Variants in PHF8 observed in about 807,000 individuals in gnomAD.
PHF8 encodes PHD finger protein 8.
In PHF8, 9 loss-of-function variants were observed where a neutral mutation model predicts 74.4. That is an observed-to-expected ratio of 0.12 (90% CI 0.07 to 0.21). The LOEUF is 0.21. Ranked by LOEUF, PHF8 falls within the 10% of genes least tolerant of loss-of-function variation. The pLI, the probability that PHF8 is intolerant of heterozygous loss-of-function variation, is 1.00. For synonymous variants in PHF8, 311 were observed against 316.6 expected, an observed-to-expected ratio of 0.98 and a Z score of 0.19; for missense variants, 478 against 816.6, an observed-to-expected ratio of 0.59 and a Z score of 5.05.
chrX:53,943,387 G>A (rs945323901), intron 20 of PHF8: 51 of 967,510 alleles, frequency 5.3e-5, no homozygotes, highest in Non-Finnish European at 7.0e-5. Context: ...GTTAATGAGA[G>A]CTTCATTTTC....
chrX:53,984,237 A>G (rs1348765482), intron 18 of PHF8, among the ~76,000 whole-genome samples: 3 of 111,096 alleles, frequency 2.7e-5, no homozygotes, highest in African/African-American at 9.8e-5. Context: ...GTGATAGTAC[A>G]CGCCTGTAAT....
chrX:53,945,516 T>A (rs1052250443), intron 19 of PHF8, among the ~76,000 whole-genome samples: 46 of 109,655 alleles, frequency 4.2e-4, no homozygotes, highest in African/African-American at 1.5e-3. Flanking sequence ...TCTCAAAAAA[T>A]AATAATAATA....
At chrX:53,974,438 G>A (rs2065343192) in intron 18 of PHF8, among the ~76,000 whole-genome samples, 1 of 111,889 alleles carries the variant, frequency 8.9e-6, no homozygotes, top group African/African-American at 3.2e-5. Flanking sequence ...AGAGAAAAAG[G>A]AACGCTTTTA....
intron 19 of PHF8, among the ~76,000 whole-genome samples, chrX:53,946,868 G>A (rs2064839711): frequency 9.0e-6 from 1 of 111,384 alleles, no homozygotes; most frequent in African/African-American, 3.3e-5. Flanking sequence ...ATACTTGGGG[G>A]AAACAGCATA....
chrX:53,970,226 C>T (rs1188920292), intron 18 of PHF8, among the ~76,000 whole-genome samples: 2 of 111,888 alleles, frequency 1.8e-5, no homozygotes, highest in Non-Finnish European at 3.8e-5. Context: ...TGCAAACTAT[C>T]CATCTGACAA....
rs781784469 is a variant in PHF8 at position 53,993,654 on chromosome X, T to C, written c.1573A>G (p.Met525Val). Reference sequence around the variant, plus strand: ...AGTGCCTGATGACTGTATGTGTCCATGAGATTATAGCTCAACTGGCCAGCA... The same window carrying C: ...AGTGCCTGATGACTGTATGTGTCCACGAGATTATAGCTCAACTGGCCAGCA... ...GPAGQLSYNL[M>V]DTYSHQALKT... The change falls in exon 13 of 22, where the codon ATG (methionine) becomes GTG (valine). Residue 525 changes from methionine (M) to valine (V), a missense_variant. Physicochemically the swap from Met to Val is conservative, Grantham distance 21. Coordinates refer to ENST00000338154, the MANE Select transcript of PHF8 (RefSeq NM_015107.3). The C allele has an allele frequency of 4.1e-6, 5 of 1,206,242 alleles. No homozygotes were observed. The highest frequency in any genetic ancestry group is 3.5e-5 in the African/African-American group (2 of 57,499).
rs144035423 is a variant in PHF8, at chrX:53,951,867, C to T, written c.2540-7624G>A. On this transcript the variant is annotated intron_variant, in intron 19 of 21. Coordinates refer to ENST00000338154, the MANE Select transcript of PHF8 (RefSeq NM_015107.3). ...ACAGTGCGAAGACATATTCTAAGTG[C>T]TAAAAGAAAAACTATCAATCAGGAA... 4.8e-4 allele frequency among the ~76,000 whole-genome samples: 54 copies of T among 111,462 alleles called. No homozygotes were observed. The East Asian group carries it at 0.015, about 31-fold the overall frequency.
intron 8 of PHF8, among the ~76,000 whole-genome samples, chrX:54,008,868 G>GT (rs375144437): frequency 5.6e-4 from 62 of 110,834 alleles, no homozygotes; most frequent in African/African-American, 2.0e-3. Context: ...TGAGTATAGG[G>GT]TTTTTTTAAA....
intron 12 of PHF8, among the ~76,000 whole-genome samples, chrX:53,994,125 A>G (rs1479544118): frequency 8.9e-6 from 1 of 112,450 alleles, no homozygotes; most frequent in Non-Finnish European, 1.9e-5. Context: ...GCAAAGCACT[A>G]CTGTCAAAAC....
intron 2 of PHF8, among the ~76,000 whole-genome samples, chrX:54,036,408 A>G (rs1050598682): frequency 2.8e-5 from 3 of 107,794 alleles, no homozygotes; most frequent in Non-Finnish European, 1.9e-5. Flanking sequence ...AAATTAAACA[A>G]CATACTTCTA....
chrX:54,042,885 C>A, intron 1 of PHF8, 65 bp from the exon 2 acceptor site: 1 of 834,658 alleles, frequency 1.2e-6, no homozygotes, highest in Non-Finnish European at 1.6e-6. Context: ...TTGCACCAAC[C>A]CTCAGTTCTC....
chrX:54,007,157 T>TG (rs2065909056), intron 8 of PHF8, among the ~76,000 whole-genome samples: 1 of 111,251 alleles, frequency 9.0e-6, no homozygotes, highest in South Asian at 3.7e-4. Context: ...GACAATTCAA[T>TG]GGGGAAAGAA....
rs1603306259 is a variant in PHF8, at chrX:53,967,295, C to T, written c.2444-4356G>A. 4.7e-5 allele frequency among the ~76,000 whole-genome samples: 5 copies of T among 105,989 alleles called. No individual in the cohort carries two copies. The South Asian group carries it at 2.0e-3, about 42-fold the overall frequency. 92.0% of individuals were successfully genotyped at this position (105,989 alleles called of 115,157 possible). ...GGGGTCAGCCCCCTGCCCGGCCAGC[C>T]GCCCCGTCCGGGAGGGAGGTGGGGG... On this transcript the variant is annotated intron_variant, in intron 18 of 21. Transcript: ENST00000338154.
At chrX:54,014,296 C>T (rs1010759260) in intron 7 of PHF8, 81 bp downstream of exon 7, 2 of 723,380 alleles carry the variant, frequency 2.8e-6, no homozygotes, top group Non-Finnish European at 4.4e-6. Flanking sequence ...CAAACTGATT[C>T]AAAATGTTTC....
chrX:54,026,197 T>C (rs2066263521), intron 2 of PHF8, among the ~76,000 whole-genome samples: 1 of 109,675 alleles, frequency 9.1e-6, no homozygotes, highest in Admixed American at 9.8e-5. Context: ...CTACTTAAAA[T>C]ACAAAAATTA....
intron 19 of PHF8, among the ~76,000 whole-genome samples, chrX:53,953,329 A>G (rs76574929): frequency 6.1e-3 from 1 of 165 alleles, no homozygotes; most frequent in Non-Finnish European, 0.01. Flanking sequence ...TAGAGAGATA[A>G]AAAAAAAAGG....
rs2066604713 is a variant in PHF8 at position 54,043,849 on chromosome X, C to A, written c.-180G>T. The A allele has an allele frequency of 4.0e-6, 3 of 753,659 alleles. No homozygotes were observed. The highest frequency in any genetic ancestry group is 4.7e-6 in the Non-Finnish European group (3 of 638,296). The allele number at this position is 753,659 out of a possible 1,213,427, so 62.1% of individuals were successfully genotyped here. On this transcript the variant is annotated 5_prime_UTR_variant, in exon 1 of 22. Transcript: ENST00000338154. ...TCTTCAGTCCAGAATCCTACAGGGA[C>A]CTCCTCATGCTTTGGGCTGCAAGGA...
intron 8 of PHF8, among the ~76,000 whole-genome samples, chrX:54,003,055 T>C (rs1431054617): frequency 8.9e-6 from 1 of 112,096 alleles, no homozygotes; most frequent in Admixed American, 9.5e-5. Flanking sequence ...TATAGAGATT[T>C]GCAAAGATGT....
chrX:53,992,762 T>C lies in PHF8; in HGVS notation c.1704A>G (p.Pro568=). Residue 568 remains proline (P), a synonymous_variant, in exon 14 of 22, where the codon CCA becomes CCG. Coordinates refer to ENST00000338154, the MANE Select transcript of PHF8 (RefSeq NM_015107.3). The part of the protein sequence containing the change: ...PDLDLDGNES[P]LALLMSNGST... ...TGCCGTTAGACATCAATAGGGCCAA[T>C]GGGCTCTCATTTCCATCAAGGTCCA... 1 of 1,195,923 alleles carries C rather than the reference T, an allele frequency of 8.4e-7. No individual in the cohort carries two copies. Among genetic ancestry groups the C allele is most frequent in the Non-Finnish European group, 1.1e-6 (1 of 882,133 alleles).
Sources: gnomAD v4.1 joint callset for allele counts (sites outside exome capture counted in the v4.1 genomes callset) on GRCh38, gnomAD v4.1.1 for gene constraint, MANE v1.5 for transcripts, NCBI Gene and HGNC (gene_info 2026-07-23, HGNC 2026-07-21) for gene names.